The following HACD3 variants were observed in gnomAD, a reference collection of about 807,000 sequenced individuals.
HACD3 encodes 3-hydroxyacyl-CoA dehydratase 3.
A neutral mutation model predicts 55.2 loss-of-function variants in HACD3; 30 were observed. The observed-to-expected ratio is 0.54, with a 90% CI of 0.41 to 0.74. The LOEUF is 0.74. Among genes scored for constraint, HACD3 ranks in the 30% least tolerant of loss-of-function variants. HACD3 has a pLI of 0.00. For missense variants in HACD3, 363 were observed against 440.1 expected (o/e 0.82, Z 1.57); for synonymous variants, 141 against 151.7 (o/e 0.93, Z 0.52).
rs1317511615 is a variant in HACD3, at chr15:65,571,432, G to A, written c.774-116G>A. On this transcript the variant is annotated intron_variant, in intron 8 of 10. Coordinates refer to ENST00000261875, the MANE Select transcript of HACD3 (RefSeq NM_016395.4). Reference sequence around the variant, plus strand: ...GGTTGATAGCCAGCGTTATAATTCTGTTCTGAAGAAGCCATGTGTGGCTGA... The same window carrying A: ...GGTTGATAGCCAGCGTTATAATTCTATTCTGAAGAAGCCATGTGTGGCTGA... The A allele has an allele frequency of 4.0e-6, 3 of 741,468 alleles. No homozygotes were observed. In the Admixed American group the frequency reaches 7.0e-5, roughly 17 times the overall value. 45.9% of individuals were successfully genotyped at this position (741,468 alleles called of 1,614,324 possible).
In HACD3 at chr15:65,576,386, A is replaced by G; in HGVS notation, c.*7A>G. Reference sequence around the variant, plus strand: ...AAAGAAAAAGATCCACTAAAAAGAAAGATTTAGATGGCTTCTTGCCAGTTT... The same window carrying G: ...AAAGAAAAAGATCCACTAAAAAGAAGGATTTAGATGGCTTCTTGCCAGTTT... On this transcript the variant is annotated 3_prime_UTR_variant, in exon 11 of 11. Coordinates refer to ENST00000261875, the MANE Select transcript of HACD3 (RefSeq NM_016395.4). 6.3e-7 allele frequency: 1 copy of G among 1,594,736 alleles called. No homozygotes were observed. The highest frequency in any genetic ancestry group is 8.5e-7 in the Non-Finnish European group (1 of 1,170,214).
intron 2 of HACD3, among the ~76,000 whole-genome samples, chr15:65,553,557 T>C (rs986640348): frequency 1.3e-5 from 2 of 152,226 alleles, no homozygotes; most frequent in Non-Finnish European, 2.9e-5. Context: ...TACTGTAATA[T>C]ACTTGCATGA....
chr15:65,562,097 C>T (rs961030733), intron 5 of HACD3, among the ~76,000 whole-genome samples: 1 of 152,220 alleles, frequency 6.6e-6, no homozygotes, highest in Non-Finnish European at 1.5e-5. Flanking sequence ...ACCCTGTCCC[C>T]TTGGGCCTTT....
intron 5 of HACD3, among the ~76,000 whole-genome samples, chr15:65,560,110 C>G (rs999115166): frequency 6.6e-6 from 1 of 151,060 alleles, no homozygotes; most frequent in African/African-American, 2.4e-5. Context: ...ATACTGGGCT[C>G]AAGTGATCCT....
At chr15:65,543,126 CA>C (rs1428810086) in intron 1 of HACD3, among the ~76,000 whole-genome samples, 2 of 149,774 alleles carry the variant, frequency 1.3e-5, no homozygotes, top group Non-Finnish European at 3.0e-5. Context: ...TAAACAGAAC[CA>C]AAAGGACCTA....
chr15:65,532,898 G>A (rs893793284), intron 1 of HACD3, among the ~76,000 whole-genome samples: 3 of 152,174 alleles, frequency 2.0e-5, no homozygotes, highest in African/African-American at 7.2e-5. Flanking sequence ...TATCTAGAAG[G>A]AGGCGTATCA....
chr15:65,535,858 T>C (rs1160458723), intron 1 of HACD3: 2 of 577,924 alleles, frequency 3.5e-6, no homozygotes, highest in Non-Finnish European at 6.2e-6. Context: ...TAATTTTCAA[T>C]TTTTTAATTT....
At chr15:65,560,613 G>A (rs1455291182) in intron 5 of HACD3, among the ~76,000 whole-genome samples, 3 of 152,016 alleles carry the variant, frequency 2.0e-5, no homozygotes, top group Admixed American at 6.6e-5. Context: ...ACTGGGCAAC[G>A]TAGCAAGACT....
At chr15:65,539,213 T>A (rs888421891) in intron 1 of HACD3, among the ~76,000 whole-genome samples, 1 of 2,510 alleles carries the variant, frequency 4.0e-4, no homozygotes, top group Non-Finnish European at 1.1e-3. Context: ...GACAGGACTT[T>A]TTTTTTTTTT....
At chr15:65,572,000 T>C (rs1234361351) in intron 9 of HACD3, among the ~76,000 whole-genome samples, 1 of 152,174 alleles carries the variant, frequency 6.6e-6, no homozygotes, top group Non-Finnish European at 1.5e-5. Flanking sequence ...TTTTATAGAA[T>C]AGAAGAAGCC....
At chr15:65,556,971 T>C in intron 4 of HACD3, 68 bp downstream of exon 4, 1 of 1,418,088 alleles carries the variant, frequency 7.1e-7, no homozygotes. Flanking sequence ...TTCAGGCCAC[T>C]TCAGATACCT....
At chr15:65,572,164 G>C in intron 9 of HACD3, 71 bp from the exon 10 acceptor site, 1 of 1,572,434 alleles carries the variant, frequency 6.4e-7, no homozygotes, top group South Asian at 1.2e-5. Context: ...TAGAGTACTA[G>C]GACTGGAAGT....
At chr15:65,539,236 T>C (rs1451091495) in intron 1 of HACD3, among the ~76,000 whole-genome samples, 1 of 59,922 alleles carries the variant, frequency 1.7e-5, no homozygotes, top group Non-Finnish European at 3.4e-5. Flanking sequence ...TTTTTTTTTT[T>C]TGAGATGGAG....
At chr15:65,548,630 T>G (rs1019497191) in intron 1 of HACD3, among the ~76,000 whole-genome samples, 1 of 151,944 alleles carries the variant, frequency 6.6e-6, no homozygotes, top group Non-Finnish European at 1.5e-5. Context: ...TGGAATGCAG[T>G]GGTGCAATAA....
At chr15:65,545,477 C>CGGA (rs1232643181) in intron 1 of HACD3, among the ~76,000 whole-genome samples, 29 of 145,614 alleles carry the variant, frequency 2.0e-4, no homozygotes, top group African/African-American at 7.4e-4. Flanking sequence ...TTTTTTGAGA[C>CGGA]GGAGTCTCGC....
chr15:65,536,162 A>G (rs182720803), intron 1 of HACD3, among the ~76,000 whole-genome samples: 1 of 152,184 alleles, frequency 6.6e-6, no homozygotes, highest in East Asian at 1.9e-4. Context: ...GACTGCAGGC[A>G]TGTGCCACTG....
chr15:65,547,283 A>G (rs572838724), intron 1 of HACD3, among the ~76,000 whole-genome samples: 19 of 152,208 alleles, frequency 1.2e-4, no homozygotes, highest in African/African-American at 4.1e-4. Context: ...TGCCTGGCTA[A>G]TTTTTGTATT....
At chr15:65,532,214 G>A (rs1270298486) in intron 1 of HACD3, among the ~76,000 whole-genome samples, 1 of 152,040 alleles carries the variant, frequency 6.6e-6, no homozygotes, top group Non-Finnish European at 1.5e-5. Context: ...AATGTTCTGT[G>A]CTGTCTCCCT....
At chr15:65,564,026 A>G (rs938352328) in intron 6 of HACD3, among the ~76,000 whole-genome samples, 189 bp from the exon 7 acceptor site, 3 of 151,976 alleles carry the variant, frequency 2.0e-5, no homozygotes, top group Non-Finnish European at 4.4e-5. Context: ...GGTAACTGGT[A>G]GAGCTTACTA....
Sources: gnomAD v4.1 joint callset for allele counts (sites outside exome capture counted in the v4.1 genomes callset) on GRCh38, gnomAD v4.1.1 for gene constraint, MANE v1.5 for transcripts, NCBI Gene and HGNC (gene_info 2026-07-23, HGNC 2026-07-21) for gene names.